The following ERBB4 variants were observed in gnomAD, a reference collection of about 807,000 sequenced individuals.
ERBB4 encodes erb-b2 receptor tyrosine kinase 4, also known as receptor tyrosine-protein kinase erbB-4.
In ERBB4, 42 loss-of-function variants were observed where a neutral mutation model predicts 158.0. That is an observed-to-expected ratio of 0.27 (90% CI 0.21 to 0.34). The LOEUF (loss-of-function observed/expected upper bound fraction) is 0.34, where lower values mean the gene tolerates loss of function less well. Ranked by LOEUF, ERBB4 falls within the 10% of genes least tolerant of loss-of-function variation. The pLI is 1.00. For missense variants in ERBB4, 1,333 were observed against 1,624.1 expected (o/e 0.82, Z 3.08); for synonymous variants, 583 against 558.7 (o/e 1.04, Z -0.61).
chr2:211,909,306 A>G (rs774751719), intron 3 of ERBB4, among the ~76,000 whole-genome samples: 6 of 151,710 alleles, frequency 4.0e-5, no homozygotes, highest in Non-Finnish European at 7.4e-5. Context: ...CATAATTATC[A>G]TTAGGTCATG....
At chr2:211,520,044 C>T (rs1218409008) in intron 20 of ERBB4, among the ~76,000 whole-genome samples, 2 of 152,110 alleles carry the variant, frequency 1.3e-5, no homozygotes, top group African/African-American at 2.4e-5. Context: ...CACACCTACT[C>T]TTCTACTTAC....
chr2:212,147,197 G>C (rs1306563262), intron 1 of ERBB4, among the ~76,000 whole-genome samples: 1 of 98,544 alleles, frequency 1.0e-5, no homozygotes, highest in African/African-American at 4.1e-5. Flanking sequence ...GTAGAGATGG[G>C]GTTTTGCCAT....
At chr2:211,605,627 G>C (rs1343342911) in intron 19 of ERBB4, among the ~76,000 whole-genome samples, 1 of 151,972 alleles carries the variant, frequency 6.6e-6, no homozygotes, top group African/African-American at 2.4e-5. Flanking sequence ...ATAAATAGAG[G>C]CTATTTTCCC....
At chr2:211,719,658 A>G (rs7419832) in intron 7 of ERBB4, among the ~76,000 whole-genome samples, 3 of 151,902 alleles carry the variant, frequency 2.0e-5, no homozygotes, top group Non-Finnish European at 4.4e-5. Context: ...GATCGAGACC[A>G]TCCTGGCTAA....
At chr2:211,937,130 A>G (rs1363500758) in intron 3 of ERBB4, among the ~76,000 whole-genome samples, 1 of 152,164 alleles carries the variant, frequency 6.6e-6, no homozygotes, top group East Asian at 1.9e-4. Context: ...TCCTTGTACA[A>G]TCTTTTACAT....
At chr2:212,081,036 C>A (rs10194693) in intron 2 of ERBB4, among the ~76,000 whole-genome samples, 126,589 of 152,206 alleles carry the variant, frequency 0.83, 54,235 homozygotes, top group East Asian at 1. Context: ...TGTCTATGCT[C>A]ACTTTATTTT....
chr2:211,737,883 TA>T (rs1304049542), intron 5 of ERBB4, among the ~76,000 whole-genome samples: 2 of 152,160 alleles, frequency 1.3e-5, no homozygotes, highest in African/African-American at 2.4e-5. Context: ...TCTGCTGTAT[TA>T]TTTTTTAAAG....
chr2:212,482,028 C>T lies in ERBB4; in HGVS notation c.82+56421G>A, dbSNP rs111376338. ...AAGTTAATAAGGCAATGGCACACAT[C>T]CCACTTCTCTATAAACAGTCTGGAG... is the stretch of plus-strand genomic sequence containing the variant. On this transcript the variant is annotated intron_variant, in intron 1 of 27. Transcript: ENST00000342788. Among the ~76,000 whole-genome samples, 222 of 152,282 alleles carry T rather than the reference C, an allele frequency of 1.5e-3. 2 individuals are homozygous for T. The highest frequency in any genetic ancestry group is 6.8e-3 in the Middle Eastern group (2 of 294).
At chr2:212,156,535 T>C (rs2081040732) in intron 1 of ERBB4, among the ~76,000 whole-genome samples, 1 of 152,130 alleles carries the variant, frequency 6.6e-6, no homozygotes, top group Non-Finnish European at 1.5e-5. Flanking sequence ...GTATTCAGTA[T>C]TCAAATATTT....
chr2:211,612,820 T>C (rs2069250385), intron 19 of ERBB4, among the ~76,000 whole-genome samples: 1 of 151,946 alleles, frequency 6.6e-6, no homozygotes, highest in African/African-American at 2.4e-5. Flanking sequence ...CAAAAGAGTA[T>C]AAAAAGAAGA....
chr2:211,838,748 T>C (rs1190517892), intron 3 of ERBB4, among the ~76,000 whole-genome samples: 1 of 152,098 alleles, frequency 6.6e-6, no homozygotes, highest in Non-Finnish European at 1.5e-5. Context: ...AATAGACAAA[T>C]AATTCCAGAA....
intron 12 of ERBB4, among the ~76,000 whole-genome samples, chr2:211,696,363 G>C (rs1326473360): frequency 1.3e-5 from 2 of 151,404 alleles, no homozygotes; most frequent in African/African-American, 2.4e-5. Context: ...TGCCCACCTC[G>C]GCCTCCCAAA....
In ERBB4 at chr2:212,472,299, A is replaced by T. The variant is rs557959923; in HGVS notation, c.82+66150T>A. On this transcript the variant is annotated intron_variant, in intron 1 of 27. Transcript: ENST00000342788. ...AAATATATTGGCACAACAACCTTTT[A>T]CCATAGACGTTATTATCTCCATTTA... Among the ~76,000 whole-genome samples the T allele has an allele frequency of 6.6e-5, 10 of 151,984 alleles. No homozygotes were observed. In the South Asian group the frequency reaches 2.1e-3, roughly 32 times the overall value.
chr2:212,118,681 G>GAA (rs530342353), intron 2 of ERBB4, among the ~76,000 whole-genome samples: 5 of 151,412 alleles, frequency 3.3e-5, no homozygotes, highest in Non-Finnish European at 5.9e-5. Flanking sequence ...CTCTGGTAGA[G>GAA]AAAAATAAAC....
chr2:212,125,066 A>G, intron 1 of ERBB4, 163 bp from the exon 2 acceptor site: 6 of 745,402 alleles, frequency 8.0e-6, no homozygotes, highest in Non-Finnish European at 1.3e-5. Context: ...ACTGATGAAC[A>G]TTTTCACTTT....
Position 212,463,893 on chromosome 2 carries a change from A to G in ERBB4, c.82+74556T>C, listed in dbSNP as rs370609603. 9.8e-5 allele frequency among the ~76,000 whole-genome samples: 15 copies of G among 152,290 alleles called. No individual in the cohort carries two copies. In the East Asian group the frequency reaches 2.5e-3, roughly 25 times the overall value. On this transcript the variant is annotated intron_variant, in intron 1 of 27. Transcript: ENST00000342788. ...TAATCACCTTGTCTAAATATTAAAG[A>G]GAAATAAAAGGAAGGGTAACTGACA...
At chr2:211,997,803 C>G (rs2125271501) in intron 2 of ERBB4, among the ~76,000 whole-genome samples, 1 of 152,036 alleles carries the variant, frequency 6.6e-6, no homozygotes, top group Admixed American at 6.6e-5. Flanking sequence ...TAAGGTAACA[C>G]TGATAAATAA....
chr2:212,511,729 T>C (rs1408832926), intron 1 of ERBB4, among the ~76,000 whole-genome samples: 3 of 152,142 alleles, frequency 2.0e-5, no homozygotes, highest in African/African-American at 4.8e-5. Flanking sequence ...AGCCAAGGTA[T>C]TGTAATTGAA....
rs546218554 is a variant in ERBB4, at chr2:212,125,489, G to A, written c.83-586C>T. Among the ~76,000 whole-genome samples the A allele has an allele frequency of 1.1e-4, 16 of 152,174 alleles. No individual in the cohort carries two copies. The East Asian group carries it at 1.5e-3, about 15-fold the overall frequency. On this transcript the variant is annotated intron_variant, in intron 1 of 27. Transcript: ENST00000342788. The stretch of plus-strand genomic sequence containing the variant: ...ACATAGGTAAACCTGTGGCATGGGG[G>A]TTATTCATACAGATTATTTCATCAC...
Sources: gnomAD v4.1 joint callset for allele counts (sites outside exome capture counted in the v4.1 genomes callset) on GRCh38, gnomAD v4.1.1 for gene constraint, MANE v1.5 for transcripts, NCBI Gene and HGNC (gene_info 2026-07-23, HGNC 2026-07-21) for gene names.